Variants in TNFSF4 observed in about 807,000 individuals in gnomAD.
The protein encoded by TNFSF4 is tumor necrosis factor ligand superfamily member 4.
A neutral mutation model predicts 7.3 loss-of-function variants in TNFSF4; 4 were observed. The ratio of observed to expected loss-of-function variants is 0.55; its 90% confidence interval spans 0.27 to 1.25. The LOEUF (loss-of-function observed/expected upper bound fraction) is 1.25, where lower values mean the gene tolerates loss of function less well. Among genes scored for constraint, TNFSF4 ranks in the 50% most tolerant of loss-of-function variants. The pLI is 0.12. For missense variants in TNFSF4, 181 were observed against 208.8 expected (o/e 0.87, Z 0.82); for synonymous variants, 76 against 83.7 (o/e 0.91, Z 0.50).
chr1:173,424,226 T>A, the TNFSF4 span, among the ~76,000 whole-genome samples: 2 of 152,222 alleles, frequency 1.3e-5, no homozygotes, highest in African/African-American at 4.8e-5. Flanking sequence ...CTAGACAAAG[T>A]ATTTCTTCTC....
At chr1:173,188,059 A>G (rs767392239) in intron 2 of TNFSF4, among the ~76,000 whole-genome samples, 2 of 152,232 alleles carry the variant, frequency 1.3e-5, no homozygotes, top group Non-Finnish European at 2.9e-5. Flanking sequence ...TGCTAGCACT[A>G]ATCATGGACC....
the TNFSF4 span, among the ~76,000 whole-genome samples, chr1:173,229,813 AC>A: frequency 0.011 from 1,736 of 152,306 alleles, 38 homozygotes; most frequent in African/African-American, 0.039. Flanking sequence ...CTTTAAACCG[AC>A]AAAGATCAAA....
chr1:173,216,228 T>C, the TNFSF4 span, among the ~76,000 whole-genome samples: 1 of 152,130 alleles, frequency 6.6e-6, no homozygotes, highest in Non-Finnish European at 1.5e-5. Flanking sequence ...TCCCCTTACA[T>C]GGGCATCTAC....
chr1:173,249,292 G>T, the TNFSF4 span, among the ~76,000 whole-genome samples: 57 of 152,280 alleles, frequency 3.7e-4, no homozygotes, highest in Admixed American at 6.5e-4. Context: ...GCAACAAGAG[G>T]ACTTGTGAAT....
At chr1:173,320,120 A>G in the TNFSF4 span, among the ~76,000 whole-genome samples, 11 of 152,318 alleles carry the variant, frequency 7.2e-5, no homozygotes, top group Middle Eastern at 3.4e-3. Flanking sequence ...AGTACATCAA[A>G]AAGCTTATCC....
chr1:173,285,961 A>G, the TNFSF4 span, among the ~76,000 whole-genome samples: 1 of 152,298 alleles, frequency 6.6e-6, no homozygotes, highest in Admixed American at 6.5e-5. Flanking sequence ...CTGACACTTT[A>G]CAAAACAGTT....
chr1:173,320,650 G>A, the TNFSF4 span, among the ~76,000 whole-genome samples: 1 of 152,260 alleles, frequency 6.6e-6, no homozygotes, highest in East Asian at 1.9e-4. Context: ...TAAAAACAAT[G>A]TGCAAAAATC....
the TNFSF4 span, among the ~76,000 whole-genome samples, chr1:173,333,391 G>A: frequency 6.6e-6 from 1 of 152,142 alleles, no homozygotes; most frequent in African/African-American, 2.4e-5. Context: ...CTGCCTTCAC[G>A]TTGAGACATC....
At chr1:173,229,328 A>G in the TNFSF4 span, among the ~76,000 whole-genome samples, 1 of 152,204 alleles carries the variant, frequency 6.6e-6, no homozygotes, top group Non-Finnish European at 1.5e-5. Context: ...TATCCAGCCA[A>G]ACTAAGCTTC....
the TNFSF4 span, among the ~76,000 whole-genome samples, chr1:173,416,112 T>C: frequency 6.6e-6 from 1 of 152,050 alleles, no homozygotes; most frequent in African/African-American, 2.4e-5. Context: ...CAACCCAGGC[T>C]CTCCTAGGTT....
chr1:173,193,877 A>T (rs1050660236), intron 1 of TNFSF4, among the ~76,000 whole-genome samples: 1 of 152,286 alleles, frequency 6.6e-6, no homozygotes, highest in Non-Finnish European at 1.5e-5. Flanking sequence ...GCAGCAGCTG[A>T]TAATGCAACA....
the TNFSF4 span, among the ~76,000 whole-genome samples, chr1:173,260,328 G>T: frequency 6.6e-6 from 1 of 152,128 alleles, no homozygotes; most frequent in South Asian, 2.1e-4. Context: ...CCTTGCAAGA[G>T]CTCCTAAAGG....
rs1478829524 is a variant in TNFSF4 at position 173,186,866 on chromosome 1, C to A, written c.203-1G>T. 2 of 1,572,614 alleles carry A rather than the reference C, an allele frequency of 1.3e-6. No homozygotes were observed. The highest frequency in any genetic ancestry group is 1.8e-5 in the Admixed American group (1 of 54,516). On this transcript the variant is annotated splice_acceptor_variant, in intron 2 of 2. Transcript: ENST00000281834. LOFTEE classifies it high-confidence loss of function. ...ATGAAACCTTTCTCCTTCTTATATT[C>A]TAGGGAGGATAGGGGAAAATTTGTT...
the TNFSF4 span, among the ~76,000 whole-genome samples, chr1:173,332,584 G>A: frequency 9.7e-4 from 148 of 151,910 alleles, no homozygotes; most frequent in African/African-American, 3.4e-3. Context: ...GGCCAGGTGC[G>A]GTGGCTCATG....
At chr1:173,423,232 A>G in the TNFSF4 span, among the ~76,000 whole-genome samples, 2 of 152,222 alleles carry the variant, frequency 1.3e-5, no homozygotes. Context: ...CCCACCTTAC[A>G]TATGAGAAAA....
At chr1:173,368,722 G>A in the TNFSF4 span, among the ~76,000 whole-genome samples, 2 of 152,128 alleles carry the variant, frequency 1.3e-5, no homozygotes, top group African/African-American at 4.8e-5. Context: ...GGTTGACCCT[G>A]CAGCCATGAG....
At chr1:173,444,508 T>G in the TNFSF4 span, among the ~76,000 whole-genome samples, 1 of 148,450 alleles carries the variant, frequency 6.7e-6, no homozygotes, top group Non-Finnish European at 1.5e-5. Flanking sequence ...TTTGGGAAAT[T>G]CTGGGTTTTT....
At chr1:173,275,514 T>A in the TNFSF4 span, among the ~76,000 whole-genome samples, 56 of 152,260 alleles carry the variant, frequency 3.7e-4, no homozygotes, top group South Asian at 6.2e-3. Context: ...AATCCACCTC[T>A]CATTTCCACA....
chr1:173,262,268 TA>T, the TNFSF4 span, among the ~76,000 whole-genome samples: 1 of 152,162 alleles, frequency 6.6e-6, no homozygotes, highest in Non-Finnish European at 1.5e-5. Context: ...AGGCTTTCAC[TA>T]AAATTCAACA....
Sources: allele counts gnomAD v4.1 joint callset (sites outside exome capture counted in the v4.1 genomes callset), GRCh38; gene constraint gnomAD v4.1.1; transcripts MANE v1.5; gene names NCBI Gene and HGNC (gene_info 2026-07-23, HGNC 2026-07-21).